Variants in CPAMD8 observed in about 807,000 individuals in gnomAD.
CPAMD8 encodes C3 and PZP like alpha-2-macroglobulin domain containing 8.
CPAMD8 carries 146 observed loss-of-function variants against 224.7 expected under a neutral mutation model. The observed-to-expected ratio is 0.65, with a 90% CI of 0.57 to 0.75. CPAMD8 has a LOEUF of 0.75. Among genes scored for constraint, CPAMD8 ranks in the 30% least tolerant of loss-of-function variants. The pLI is 0.00. For synonymous variants in CPAMD8, 966 were observed against 1,044.6 expected (o/e 0.92, Z 1.45); for missense variants, 2,301 against 2,537.5 (o/e 0.91, Z 2.00).
chr19:16,920,452 C>T (rs2053128335), intron 27 of CPAMD8, among the ~76,000 whole-genome samples: 1 of 152,084 alleles, frequency 6.6e-6, no homozygotes, highest in Non-Finnish European at 1.5e-5. Flanking sequence ...TGCACTCCAG[C>T]CTGGGTGACA....
rs1036615428 is a variant in CPAMD8 at position 16,922,100 on chromosome 19, A to T, written c.3548-114T>A. ...CCCCGGATCTCCGAAGCCACACCAC[A>T]TGTGGGGTCCCTGGAATTGCCTCGA... On this transcript the variant is annotated intron_variant, in intron 26 of 41. Coordinates refer to ENST00000443236, the MANE Select transcript of CPAMD8 (RefSeq NM_015692.5). 4 of 655,776 alleles carry T rather than the reference A, an allele frequency of 6.1e-6. No individual in the cohort carries two copies. The African/African-American group carries it at 7.3e-5, about 12-fold the overall frequency. 40.6% of individuals were successfully genotyped at this position (655,776 alleles called of 1,614,324 possible).
At chr19:16,941,509 T>C (rs2053888408) in intron 22 of CPAMD8, among the ~76,000 whole-genome samples, 2 of 152,084 alleles carry the variant, frequency 1.3e-5, no homozygotes, top group African/African-American at 4.8e-5. Context: ...ATCCATTCTG[T>C]TGGTGGTGAG....
chr19:16,938,503 T>C, intron 22 of CPAMD8, 57 bp from the exon 23 acceptor site: 2 of 969,722 alleles, frequency 2.1e-6, no homozygotes, highest in Non-Finnish European at 3.2e-6. Context: ...GATGGTCAGC[T>C]CAGCGGAGCA....
At chr19:16,974,975 GA>G (rs1423126263) in intron 17 of CPAMD8, 121 bp downstream of exon 17, 4 of 1,340,300 alleles carry the variant, frequency 3.0e-6, no homozygotes, top group Non-Finnish European at 3.0e-6. Context: ...ACCCCATCTC[GA>G]AAAAAAGAAA....
intron 32 of CPAMD8, 50 bp downstream of exon 32, chr19:16,904,176 A>AGGGCGCCCCCCCCCCCCCCCCCCCC: frequency 1.1e-6 from 1 of 937,340 alleles, no homozygotes; most frequent in Non-Finnish European, 1.7e-6. Flanking sequence ...GACTGCAGGG[A>AGGGCGCCCCCCCCCCCCCCCCCCCC]CCCCACCCAC....
intron 41 of CPAMD8, 77 bp from the exon 42 acceptor site, chr19:16,893,416 G>A: frequency 9.7e-7 from 1 of 1,026,354 alleles, no homozygotes; most frequent in Non-Finnish European, 1.4e-6. Flanking sequence ...AGGAGCCACA[G>A]GGCCTGTCGC....
At chr19:16,959,521 G>A (rs947747666) in intron 18 of CPAMD8, among the ~76,000 whole-genome samples, 2 of 151,122 alleles carry the variant, frequency 1.3e-5, no homozygotes, top group Non-Finnish European at 2.9e-5. Flanking sequence ...TTTTTCATAT[G>A]CTTGTTGGCT....
Position 16,954,744 on chromosome 19 carries a change from G to A in CPAMD8, c.2277-2544C>T, listed in dbSNP as rs560046884. ...TCACGCCTGTAATCCCAGCACTTTG[G>A]GAGGCCGAGGGGGGTGGATCACGAG... On this transcript the variant is annotated intron_variant, in intron 19 of 41. Coordinates refer to ENST00000443236, the MANE Select transcript of CPAMD8 (RefSeq NM_015692.5). 2.0e-5 allele frequency among the ~76,000 whole-genome samples: 3 copies of A among 152,308 alleles called. No homozygotes were observed. The South Asian group carries it at 6.2e-4, about 32-fold the overall frequency.
In CPAMD8 at chr19:16,929,079, C is replaced by G. The variant is rs370947925; in HGVS notation, c.3007G>C (p.Gly1003Arg). 3 of 1,614,088 alleles carry G rather than the reference C, an allele frequency of 1.9e-6. No homozygotes were observed. Among genetic ancestry groups the G allele is most frequent in the South Asian group, 1.1e-5 (1 of 91,072 alleles). The change falls in exon 24 of 42, where the codon GGG (glycine) becomes CGG (arginine). Residue 1003 changes from glycine (G) to arginine (R), a missense_variant. Physicochemically the swap from Gly to Arg is moderately radical, Grantham distance 125 (BLOSUM62 -2). Around this residue, in one of 4 missense-constraint regions of CPAMD8, gnomAD observed 1,709 missense variants for 1,753.2 expected, o/e 0.97. Coordinates refer to ENST00000443236, the MANE Select transcript of CPAMD8 (RefSeq NM_015692.5). ...CATGACCTGGTGTTCTGATGCCCCC[C>G]CAGGACGATCTCGATCATGCCTGCT... is the stretch of plus-strand genomic sequence containing the variant. ...DTAGMIEIVL[G>R]GHQNTRSWIS...
At position 16,914,828 on chromosome 19, in the gene CPAMD8, G is replaced by A; in HGVS notation, c.3630-15C>T. ...AGGCTGTGAGCCTGAAAGAGGACAG[G>A]GTGTCAGCTGAGGGGTTGCAGAATG... On this transcript the variant is annotated splice_polypyrimidine_tract_variant and intron_variant, in intron 27 of 41. Transcript: ENST00000443236. The A allele has an allele frequency of 6.3e-7, 1 of 1,587,928 alleles. No homozygotes were observed. Among genetic ancestry groups the A allele is most frequent in the Non-Finnish European group, 8.6e-7 (1 of 1,164,902 alleles).
chr19:16,926,083 T>C (rs2053348126), intron 25 of CPAMD8, among the ~76,000 whole-genome samples: 1 of 152,052 alleles, frequency 6.6e-6, no homozygotes, highest in South Asian at 2.1e-4. Context: ...TTCTAAAATA[T>C]TCAGATTTTC....
intron 25 of CPAMD8, among the ~76,000 whole-genome samples, chr19:16,926,121 A>T (rs949674541): frequency 1.6e-4 from 25 of 152,064 alleles, no homozygotes; most frequent in African/African-American, 3.4e-4. Context: ...TTCAATTTTT[A>T]AAAAAAGTTT....
chr19:16,905,569 G>GAAAAAAAA (rs397955787), intron 30 of CPAMD8, among the ~76,000 whole-genome samples: 464 of 91,996 alleles, frequency 5.0e-3, no homozygotes, highest in Middle Eastern at 6.6e-3. Flanking sequence ...AGGAAGAAAA[G>GAAAAAAAA]AAAAAAAAAA....
chr19:16,967,895 G>GCATATATACACACACATCTC (rs2054902909), intron 18 of CPAMD8, among the ~76,000 whole-genome samples: 1 of 16,602 alleles, frequency 6.0e-5, no homozygotes. Flanking sequence ...ACACACATGT[G>GCATATATACACACACATCTC]TGTGTATATA....
At chr19:16,901,102 T>C in intron 36 of CPAMD8, 108 bp downstream of exon 36, 2 of 642,576 alleles carry the variant, frequency 3.1e-6, no homozygotes, top group East Asian at 2.9e-5. Flanking sequence ...AGAATACCCA[T>C]AGCATTTTAC....
chr19:16,972,041 C>T (rs1568545524), intron 17 of CPAMD8, among the ~76,000 whole-genome samples: 1 of 151,922 alleles, frequency 6.6e-6, no homozygotes, highest in East Asian at 1.9e-4. Context: ...AGCAAGACTC[C>T]ATCTCAAAAG....
chr19:17,005,949 C>T (rs1437624776), intron 7 of CPAMD8, among the ~76,000 whole-genome samples: 1 of 147,884 alleles, frequency 6.8e-6, no homozygotes, highest in Non-Finnish European at 1.5e-5. Flanking sequence ...CATGGGTCTA[C>T]ACACATCCCA....
chr19:16,928,021 C>A lies in CPAMD8; in HGVS notation c.3358G>T (p.Ala1120Ser), dbSNP rs372897642. 1 of 1,611,618 alleles carries A rather than the reference C, an allele frequency of 6.2e-7. No homozygotes were observed. Among genetic ancestry groups the A allele is most frequent in the Non-Finnish European group, 8.5e-7 (1 of 1,177,870 alleles). ...GGGACAGACGCACCGATGATGGAGG[C>A]GGTGGCTCGCTCAGACCCAGGGATG... ...GAIPGSERAT[A>S]SIIGDVMGPT... The change falls in exon 25 of 42, where the codon GCC (alanine) becomes TCC (serine). Residue 1120 changes from alanine to serine, a missense_variant. Physicochemically the swap from Ala to Ser is moderately conservative, Grantham distance 99 (BLOSUM62 1). This residue lies in a region of CPAMD8 where 1,709 missense variants were observed against 1,753.2 expected (regional missense o/e 0.97). Coordinates refer to ENST00000443236, the MANE Select transcript of CPAMD8 (RefSeq NM_015692.5).
intron 27 of CPAMD8, among the ~76,000 whole-genome samples, chr19:16,915,466 C>T (rs138581846): frequency 5.9e-5 from 9 of 152,284 alleles, no homozygotes; most frequent in Non-Finnish European, 1.0e-4. Context: ...CCTCCCCAGC[C>T]CTGCAGTGTG....
Sources: allele counts gnomAD v4.1 joint callset (sites outside exome capture counted in the v4.1 genomes callset), GRCh38; gene constraint gnomAD v4.1.1; regional missense constraint gnomAD v4.1.1; transcripts MANE v1.5; gene names NCBI Gene and HGNC (gene_info 2026-07-23, HGNC 2026-07-21).